The following PNLIPRP3 variants were observed in gnomAD, a reference collection of about 807,000 sequenced individuals.
PNLIPRP3 encodes the protein pancreatic lipase related protein 3, also known as pancreatic lipase-related protein 3.
PNLIPRP3 carries 58 observed loss-of-function variants against 52.8 expected under a neutral mutation model. That is an observed-to-expected ratio of 1.10 (90% confidence interval 0.89 to 1.37). The LOEUF (loss-of-function observed/expected upper bound fraction) is 1.37. PNLIPRP3 is among the 40% of genes most tolerant of loss of function. PNLIPRP3 has a pLI of 0.00. For missense variants in PNLIPRP3, 593 were observed against 561.6 expected, an observed-to-expected ratio of 1.06 and a Z score of -0.57; for synonymous variants, 192 against 185.0, an observed-to-expected ratio of 1.04 and a Z score of -0.31.
At chr10:116,468,706 CTGATTA>C (rs1370429028) in intron 8 of PNLIPRP3, among the ~76,000 whole-genome samples, 1 of 152,120 alleles carries the variant, frequency 6.6e-6, no homozygotes, top group African/African-American at 2.4e-5. Context: ...AAAATTTGAT[CTGATTA>C]TATTTTTGAC....
chr10:116,444,212 AGATTATGGG>A (rs1845908159), intron 3 of PNLIPRP3, among the ~76,000 whole-genome samples, 161 bp from the exon 4 acceptor site: 1 of 152,100 alleles, frequency 6.6e-6, no homozygotes, highest in African/African-American at 2.4e-5. Flanking sequence ...TGAGACGTGC[AGATTATGGG>A]GATTATGGGG....
Position 116,427,996 on chromosome 10 carries a change from T to G in PNLIPRP3, c.-17T>G. ...ATCTTCAAGAAGATTTTTATGTGAT[T>G]TAAAAAATCAGCTTAGATGCTTGGA... On this transcript the variant is annotated 5_prime_UTR_variant, in exon 1 of 12. In the 5' UTR this introduces an upstream ATG that the reference lacks. Coordinates refer to ENST00000369230, the MANE Select transcript of PNLIPRP3 (RefSeq NM_001011709.3). The G allele has an allele frequency of 6.2e-7, 1 of 1,600,950 alleles. No individual in the cohort carries two copies. The highest frequency in any genetic ancestry group is 1.3e-5 in the African/African-American group (1 of 74,722).
chr10:116,467,853 C>T (rs935570847), intron 8 of PNLIPRP3, among the ~76,000 whole-genome samples: 9 of 151,840 alleles, frequency 5.9e-5, no homozygotes, highest in South Asian at 2.1e-4. Flanking sequence ...CGGCCGGGCG[C>T]GGTGGCTCAC....
At chr10:116,460,851 T>A (rs992765544) in intron 5 of PNLIPRP3, 115 bp from the exon 6 acceptor site, 9 of 1,406,748 alleles carry the variant, frequency 6.4e-6, no homozygotes, top group Middle Eastern at 1.8e-4. Flanking sequence ...TCTGTACTTT[T>A]TCCTGAGTGA....
intron 1 of PNLIPRP3, among the ~76,000 whole-genome samples, chr10:116,429,308 G>A (rs1231346675): frequency 6.6e-6 from 1 of 152,124 alleles, no homozygotes; most frequent in Non-Finnish European, 1.5e-5. Context: ...ATCTTATTGT[G>A]TATATGCAAA....
At chr10:116,467,505 G>C (rs1846299359) in intron 8 of PNLIPRP3, among the ~76,000 whole-genome samples, 1 of 152,066 alleles carries the variant, frequency 6.6e-6, no homozygotes, top group Non-Finnish European at 1.5e-5. Context: ...AAATACTCAA[G>C]CACTGCTACC....
chr10:116,472,011 T>C (rs1846381834), intron 10 of PNLIPRP3, 132 bp downstream of exon 10: 3 of 520,636 alleles, frequency 5.8e-6, no homozygotes, highest in Admixed American at 4.1e-5. Flanking sequence ...TCTTTGATTT[T>C]TCTTTTTACT....
At chr10:116,433,068 C>T (rs1416924792) in intron 1 of PNLIPRP3, among the ~76,000 whole-genome samples, 5 of 128,124 alleles carry the variant, frequency 3.9e-5, no homozygotes, top group East Asian at 5.4e-4. Context: ...GAGCTGAGAT[C>T]GTGCCATTGC....
At chr10:116,466,934 A>G (rs1413767946) in intron 8 of PNLIPRP3, among the ~76,000 whole-genome samples, 4 of 152,310 alleles carry the variant, frequency 2.6e-5, no homozygotes, top group Admixed American at 6.5e-5. Context: ...GTTTCCTGCC[A>G]TTCTTGGAAA....
At chr10:116,439,134 A>G (rs898524142) in intron 2 of PNLIPRP3, among the ~76,000 whole-genome samples, 1 of 152,194 alleles carries the variant, frequency 6.6e-6, no homozygotes, top group Non-Finnish European at 1.5e-5. Flanking sequence ...TGAATGACTT[A>G]ATGCCACTGA....
chr10:116,428,107 A>G (rs1408292625), intron 1 of PNLIPRP3, 46 bp downstream of exon 1: 1 of 1,311,194 alleles, frequency 7.6e-7, no homozygotes, highest in South Asian at 1.3e-5. Flanking sequence ...TAATGAGTAT[A>G]CTTACATCTA....
chr10:116,438,298 T>C (rs1435984076), intron 2 of PNLIPRP3, among the ~76,000 whole-genome samples: 2 of 152,166 alleles, frequency 1.3e-5, no homozygotes, highest in Non-Finnish European at 2.9e-5. Context: ...TTGGAGGATC[T>C]ATATTTAGGG....
Position 116,471,780 on chromosome 10 carries a change from A to C in PNLIPRP3, c.1073A>C (p.Lys358Thr). 8.1e-6 allele frequency: 13 copies of C among 1,609,444 alleles called. No homozygotes were observed. The highest frequency in any genetic ancestry group is 1.0e-5 in the Non-Finnish European group (12 of 1,176,178). The change falls in exon 10 of 12, where the codon AAA becomes ACA. Residue 358 changes from lysine to threonine, a missense_variant. Transcript: ENST00000369230. ...TCCTTATATCTAGGTTGGAGGCACA[A>C]ATTGTCTGTTAAACTCAGTGGAAGC... ...SLSPFARWRH[K>T]LSVKLSGSEV...
chr10:116,472,517 G>A (rs537694960), intron 10 of PNLIPRP3, among the ~76,000 whole-genome samples: 28 of 152,202 alleles, frequency 1.8e-4, no homozygotes, highest in Admixed American at 1.3e-4. Flanking sequence ...TCTGCAAACA[G>A]ATGAATGTAT....
At chr10:116,443,795 GTGTGTGCA>G (rs1845897193) in intron 3 of PNLIPRP3, among the ~76,000 whole-genome samples, 5 of 11,252 alleles carry the variant, frequency 4.4e-4, no homozygotes, top group Admixed American at 1.7e-3. Context: ...GTATGTATGT[GTGTGTGCA>G]TATATATATA....
intron 1 of PNLIPRP3, among the ~76,000 whole-genome samples, chr10:116,431,405 C>T (rs1374370015): frequency 1.3e-5 from 2 of 152,126 alleles, no homozygotes; most frequent in African/African-American, 4.8e-5. Flanking sequence ...CCTCATCCAC[C>T]TACCCCTATT....
intron 5 of PNLIPRP3, among the ~76,000 whole-genome samples, chr10:116,458,996 T>C (rs996844966): frequency 6.6e-6 from 1 of 152,144 alleles, no homozygotes; most frequent in African/African-American, 2.4e-5. Context: ...TGTGGAACTC[T>C]ATCAGACATT....
At chr10:116,477,043 C>G (rs1472325944) in intron 11 of PNLIPRP3, 47 bp from the exon 12 acceptor site, 2 of 1,467,382 alleles carry the variant, frequency 1.4e-6, no homozygotes, top group Admixed American at 1.9e-5. Context: ...TTTTTCTTCC[C>G]TGGCATCAGG....
intron 3 of PNLIPRP3, among the ~76,000 whole-genome samples, chr10:116,444,090 AG>A (rs1329261117): frequency 6.6e-6 from 1 of 151,920 alleles, no homozygotes; most frequent in Admixed American, 6.6e-5. Flanking sequence ...TGCCAAGTGA[AG>A]GGGGAAGAAT....
Sources: allele counts gnomAD v4.1 joint callset (sites outside exome capture counted in the v4.1 genomes callset), GRCh38; gene constraint gnomAD v4.1.1; transcripts MANE v1.5; gene names NCBI Gene and HGNC (gene_info 2026-07-23, HGNC 2026-07-21).